MCMBP: variants seen among roughly 807,000 people sequenced by gnomAD.
MCMBP encodes the protein mini-chromosome maintenance complex-binding protein.
A neutral mutation model predicts 81.3 loss-of-function variants in MCMBP; 31 were observed. That is an observed-to-expected ratio of 0.38 (90% CI 0.29 to 0.51). MCMBP has a LOEUF of 0.51. Among genes scored for constraint, MCMBP ranks in the 20% least tolerant of loss-of-function variants. The pLI, the probability that MCMBP is intolerant of heterozygous loss-of-function variation, is 0.87. For synonymous variants in MCMBP, 267 were observed against 275.9 expected, an observed-to-expected ratio of 0.97 and a Z score of 0.32; for missense variants, 645 against 772.1, an observed-to-expected ratio of 0.84 and a Z score of 1.95.
intron 11 of MCMBP, among the ~76,000 whole-genome samples, chr10:119,840,612 C>G (rs1323789380): frequency 6.6e-6 from 1 of 152,158 alleles, no homozygotes; most frequent in African/African-American, 2.4e-5. Context: ...AAGGGAGTTA[C>G]TACAATTGTT....
intron 4 of MCMBP, among the ~76,000 whole-genome samples, chr10:119,858,580 T>A (rs1332968861): frequency 2.0e-5 from 3 of 152,306 alleles, no homozygotes; most frequent in African/African-American, 7.2e-5. Context: ...ATTGGCTTTG[T>A]CTTTGAAGGA....
chr10:119,857,066 C>T (rs1467784166), intron 5 of MCMBP, among the ~76,000 whole-genome samples: 2 of 143,314 alleles, frequency 1.4e-5, no homozygotes, highest in East Asian at 2.0e-4. Context: ...TGCCACTGCA[C>T]TCCAGCCTGG....
chr10:119,864,807 A>C (rs969143718), intron 1 of MCMBP, among the ~76,000 whole-genome samples: 3 of 152,128 alleles, frequency 2.0e-5, no homozygotes, highest in Non-Finnish European at 2.9e-5. Flanking sequence ...GTATCCCACA[A>C]ATTTTGGTAT....
chr10:119,862,489 G>A (rs1054216288), intron 1 of MCMBP, among the ~76,000 whole-genome samples: 1 of 152,116 alleles, frequency 6.6e-6, no homozygotes, highest in African/African-American at 2.4e-5. Context: ...TCAAGCATAT[G>A]GGTGGTTATA....
At chr10:119,866,853 C>G (rs1346476345) in intron 1 of MCMBP, among the ~76,000 whole-genome samples, 1 of 152,040 alleles carries the variant, frequency 6.6e-6, no homozygotes, top group East Asian at 1.9e-4. Flanking sequence ...GTCCCAACTA[C>G]TCGGGAGGCT....
At chr10:119,842,381 GA>G (rs1284628097) in intron 10 of MCMBP, 90 bp downstream of exon 10, 3 of 1,437,744 alleles carry the variant, frequency 2.1e-6, no homozygotes, top group Admixed American at 2.2e-5. Flanking sequence ...GCCCAATAAG[GA>G]AAACACACAA....
chr10:119,870,313 G>A (rs1051701469), intron 1 of MCMBP, among the ~76,000 whole-genome samples: 16 of 152,276 alleles, frequency 1.1e-4, no homozygotes, highest in Admixed American at 3.9e-4. Flanking sequence ...CGGGCGTGGT[G>A]GCGCGGGCCT....
intron 4 of MCMBP, chr10:119,858,131 A>G (rs1853117147): frequency 6.6e-6 from 1 of 152,196 alleles, no homozygotes; most frequent in Non-Finnish European, 1.5e-5. Context: ...CATTAGGCTA[A>G]TATATTACAT....
chr10:119,860,120 A>C (rs1853201602), intron 1 of MCMBP, among the ~76,000 whole-genome samples: 1 of 152,162 alleles, frequency 6.6e-6, no homozygotes, highest in East Asian at 1.9e-4. Context: ...AATCAGGAGG[A>C]TGCTGACCTC....
intron 1 of MCMBP, among the ~76,000 whole-genome samples, chr10:119,868,199 G>T (rs371373407): frequency 6.6e-6 from 1 of 152,188 alleles, no homozygotes; most frequent in Non-Finnish European, 1.5e-5. Flanking sequence ...CCAAGTGGGG[G>T]CAGATCACTT....
At chr10:119,870,641 T>C (rs891999058) in intron 1 of MCMBP, among the ~76,000 whole-genome samples, 1 of 152,168 alleles carries the variant, frequency 6.6e-6, no homozygotes, top group African/African-American at 2.4e-5. Flanking sequence ...TTCTGTACAA[T>C]GCATATGCAT....
In MCMBP at chr10:119,842,998, C is replaced by T. The variant is rs566959551; in HGVS notation, c.1000+256G>A. ...GAACTCCTGACCTCAGGTGATCCACCCACCTTGGCCTCCTAAAGTGCTAAG... is the reference window on the plus strand; with the variant it reads ...GAACTCCTGACCTCAGGTGATCCACTCACCTTGGCCTCCTAAAGTGCTAAG... On this transcript the variant is annotated intron_variant, in intron 9 of 15. Coordinates refer to ENST00000369077, the MANE Select transcript of MCMBP (RefSeq NM_001256378.2). The T allele has an allele frequency of 1.1e-4, 45 of 422,046 alleles. No individual in the cohort carries two copies. The Middle Eastern group carries it at 2.6e-3, about 24-fold the overall frequency. The allele number at this position is 422,046 out of a possible 1,614,324, so 26.1% of individuals were successfully genotyped here. A position where few individuals can be genotyped will look rare whatever the true frequency, so the allele number is the denominator to read the frequency against.
chr10:119,871,498 C>T (rs147827071), intron 1 of MCMBP, among the ~76,000 whole-genome samples: 261 of 152,278 alleles, frequency 1.7e-3, no homozygotes, highest in African/African-American at 5.9e-3. Flanking sequence ...ATTAGAATTA[C>T]AGGTAAATTA....
chr10:119,832,976 G>A (rs1031151164), intron 14 of MCMBP, among the ~76,000 whole-genome samples: 4 of 152,190 alleles, frequency 2.6e-5, no homozygotes, highest in African/African-American at 9.7e-5. Flanking sequence ...AGAGACCATA[G>A]CTCCCACCTC....
rs1422384961 is a variant in MCMBP at position 119,849,422 on chromosome 10, T to C, written c.726+3A>G. On this transcript the variant is annotated splice_donor_region_variant and intron_variant, in intron 7 of 15. Transcript: ENST00000369077. ...GTGTTGGATCTACGAAAGGTTTTAT[T>C]ACCTTCACAAGGCATGCAGGGCCCT... 6.2e-7 allele frequency: 1 copy of C among 1,604,386 alleles called. No individual in the cohort carries two copies. Among genetic ancestry groups the C allele is most frequent in the Non-Finnish European group, 8.5e-7 (1 of 1,177,380 alleles).
chr10:119,843,356 G>A lies in MCMBP; in HGVS notation c.898C>T (p.Pro300Ser), dbSNP rs1336653598. 6.2e-7 allele frequency: 1 copy of A among 1,614,092 alleles called. No individual in the cohort carries two copies. Among genetic ancestry groups the A allele is most frequent in the Non-Finnish European group, 8.5e-7 (1 of 1,179,952 alleles). The change falls in exon 9 of 16, where the codon CCT (proline) becomes TCT (serine). Residue 300 changes from proline (P) to serine (S), a missense_variant. Transcript: ENST00000369077. ...TAEEQRVHSP[P>S]ASLVPRIHVI... ...TGAATTCTCGGCACTAATGAAGCAG[G>A]AGGACTGTGTACTCTCTGCTCCTCT...
At chr10:119,871,872 C>T (rs1206645213) in intron 1 of MCMBP, among the ~76,000 whole-genome samples, 1 of 152,204 alleles carries the variant, frequency 6.6e-6, no homozygotes, top group East Asian at 1.9e-4. Flanking sequence ...ATTTACTAAG[C>T]TCGCCTGCAG....
At chr10:119,869,332 G>T (rs911084904) in intron 1 of MCMBP, among the ~76,000 whole-genome samples, 4 of 152,334 alleles carry the variant, frequency 2.6e-5, no homozygotes, top group African/African-American at 9.6e-5. Context: ...CCAGCACTTT[G>T]GGAGGCCAAG....
At chr10:119,849,671 A>C (rs1852739858) in intron 6 of MCMBP, 95 bp from the exon 7 acceptor site, 19 of 1,158,468 alleles carry the variant, frequency 1.6e-5, no homozygotes, top group Non-Finnish European at 2.1e-5. Flanking sequence ...GATATACGTG[A>C]TGCTTCTGAG....
Sources: gnomAD v4.1 joint callset for allele counts (sites outside exome capture counted in the v4.1 genomes callset) on GRCh38, gnomAD v4.1.1 for gene constraint, MANE v1.5 for transcripts, NCBI Gene and HGNC (gene_info 2026-07-23, HGNC 2026-07-21) for gene names.